The following IHO1 variants were observed in gnomAD, a reference collection of about 807,000 sequenced individuals.
IHO1 encodes interactor of HORMAD1 protein 1.
Under a neutral mutation model 31.0 loss-of-function variants are expected in IHO1, and 13 were observed. The observed-to-expected ratio is 0.42, with a 90% confidence interval of 0.27 to 0.67. The LOEUF is 0.67. Ranked by LOEUF, IHO1 falls within the 30% of genes least tolerant of loss-of-function variation. IHO1 has a pLI of 0.24. For missense variants in IHO1, 599 were observed against 687.5 expected, an observed-to-expected ratio of 0.87 and a Z score of 1.44; for synonymous variants, 221 against 248.4, an observed-to-expected ratio of 0.89 and a Z score of 1.04.
At chr3:49,196,364 G>C (rs1419370185), upstream of IHO1, among the ~76,000 whole-genome samples, 1 of 149,472 alleles carries the variant, frequency 6.7e-6, no homozygotes, top group Non-Finnish European at 1.5e-5. Context: ...TGTTGCCCAG[G>C]CTGGAGTGCA....
Position 49,256,708 on chromosome 3 carries a change from T to C in IHO1, c.1211T>C (p.Ile404Thr). 6.2e-7 allele frequency: 1 copy of C among 1,614,194 alleles called. No homozygotes were observed. Among genetic ancestry groups the C allele is most frequent in the South Asian group, 1.1e-5 (1 of 91,084 alleles). Residue 404 changes from isoleucine to threonine, a missense_variant, in exon 8 of 8, where the codon ATT becomes ACT. Transcript: ENST00000452691. This position sits in a 1 kb window ranked among gnomAD's most constrained non-coding sequence, Gnocchi z 4.6. The part of the protein sequence containing the change: ...TSLEINFSTS[I>T]KNACQKYQAQ... ...TTGGAGATAAACTTTTCAACCAGCA[T>C]TAAGAATGCCTGCCAAAAATATCAA... is the stretch of plus-strand genomic sequence containing the variant.
intron 6 of IHO1, among the ~76,000 whole-genome samples, chr3:49,248,466 C>T (rs1214965542): frequency 6.6e-6 from 1 of 151,050 alleles, no homozygotes. Context: ...CAGTGACTCA[C>T]ACTTGTAATC....
chr3:49,207,249 G>GTTT (rs1223888677), intron 1 of IHO1, among the ~76,000 whole-genome samples: 2 of 138,606 alleles, frequency 1.4e-5, no homozygotes, highest in Non-Finnish European at 3.2e-5. Flanking sequence ...TTCTGGTGAG[G>GTTT]TTTTTTTTTT....
Position 49,257,487 on chromosome 3 carries a change from T to C in IHO1, c.*205T>C. 1 of 551,136 alleles carries C rather than the reference T, an allele frequency of 1.8e-6. No individual in the cohort carries two copies. Among genetic ancestry groups the C allele is most frequent in the Non-Finnish European group, 3.2e-6 (1 of 310,252 alleles). The allele number at this position is 551,136 out of a possible 1,614,324, so 34.1% of individuals were successfully genotyped here. ...CTGACAAGGATTAAGTGCATCCTTATTTATTGGAATGAAATGTGAAAATGG... is the reference window on the plus strand; with the variant it reads ...CTGACAAGGATTAAGTGCATCCTTACTTATTGGAATGAAATGTGAAAATGG... On this transcript the variant is annotated 3_prime_UTR_variant, in exon 8 of 8. Coordinates refer to ENST00000452691, the MANE Select transcript of IHO1 (RefSeq NM_001135197.2).
chr3:49,216,609 A>G (rs2046289309), intron 2 of IHO1, among the ~76,000 whole-genome samples: 1 of 152,210 alleles, frequency 6.6e-6, no homozygotes, highest in Non-Finnish European at 1.5e-5. Flanking sequence ...CTAAAACACC[A>G]AAAGCAATGG....
Position 49,255,375 on chromosome 3 carries a change from C to CT in IHO1, c.533-14dup. 5.8e-6 allele frequency: 9 copies of CT among 1,559,350 alleles called. No individual in the cohort carries two copies. The highest frequency in any genetic ancestry group is 7.8e-6 in the Non-Finnish European group (9 of 1,149,966). On this transcript the variant is annotated splice_polypyrimidine_tract_variant and intron_variant, in intron 6 of 7. Transcript: ENST00000452691. ...ATAGTCTTCAGGAGGTGAACTGTCA[C>CT]TGTTTTGTATTTAGTACAAGAGACT... is the stretch of plus-strand genomic sequence containing the variant.
chr3:49,196,464 G>A (rs1262254487), upstream of IHO1, among the ~76,000 whole-genome samples: 2 of 146,110 alleles, frequency 1.4e-5, no homozygotes, highest in African/African-American at 2.5e-5. Context: ...GACTATAGGC[G>A]CCCACCACCA....
intron 2 of IHO1, chr3:49,214,012 C>A: frequency 5.6e-6 from 2 of 358,158 alleles, no homozygotes; most frequent in South Asian, 2.0e-5. Flanking sequence ...CTCATACAGA[C>A]TCTTCTTCTC....
chr3:49,255,347 T>C, intron 6 of IHO1, 43 bp from the exon 7 acceptor site: 1 of 1,383,828 alleles, frequency 7.2e-7, no homozygotes, highest in Non-Finnish European at 1.0e-6. Flanking sequence ...GGACATACCA[T>C]ACATAGTCTT....
intron 6 of IHO1, among the ~76,000 whole-genome samples, chr3:49,247,450 T>G (rs896508974): frequency 1.4e-4 from 21 of 151,196 alleles, no homozygotes; most frequent in Non-Finnish European, 2.4e-4. Flanking sequence ...CAGGCTGGTT[T>G]TGAACTCCTG....
chr3:49,229,845 C>T (rs1159584707), intron 2 of IHO1, among the ~76,000 whole-genome samples: 3 of 152,076 alleles, frequency 2.0e-5, no homozygotes, highest in Admixed American at 2.0e-4. Context: ...AACTTCTGTA[C>T]CTATAAATTT....
intron 2 of IHO1, 23 bp from the exon 3 acceptor site, chr3:49,236,523 TAC>T (rs746102272): frequency 3.9e-6 from 6 of 1,532,820 alleles, no homozygotes; most frequent in Non-Finnish European, 4.5e-6. Flanking sequence ...GTCTATTTGA[TAC>T]ACTTTTTTTT....
chr3:49,258,061 A>C lies in IHO1; in HGVS notation c.*779A>C, dbSNP rs1018363524. Reference sequence around the variant, plus strand: ...GCTGAAGTTTTTGAGTTTTTGCAACACAAGTATTTTTTGTTATCAGAAATA... The same window carrying C: ...GCTGAAGTTTTTGAGTTTTTGCAACCCAAGTATTTTTTGTTATCAGAAATA... On this transcript the variant is annotated 3_prime_UTR_variant, in exon 8 of 8. Transcript: ENST00000452691. The C allele has an allele frequency of 2.6e-5, 4 of 152,170 alleles. No homozygotes were observed. Among genetic ancestry groups the C allele is most frequent in the Non-Finnish European group, 4.4e-5 (3 of 68,038 alleles). 9.4% of individuals were successfully genotyped at this position (152,170 alleles called of 1,614,324 possible). A position where few individuals can be genotyped will look rare whatever the true frequency, so the allele number is the denominator to read the frequency against.
At chr3:49,213,573 C>A (rs962947033) in intron 2 of IHO1, among the ~76,000 whole-genome samples, 1 of 152,226 alleles carries the variant, frequency 6.6e-6, no homozygotes, top group Non-Finnish European at 1.5e-5. Flanking sequence ...TGGGACCGGG[C>A]ACCACGGAGC....
At chr3:49,228,492 C>T (rs780224301) in intron 2 of IHO1, 9 of 327,320 alleles carry the variant, frequency 2.7e-5, no homozygotes, top group Non-Finnish European at 4.8e-5. Context: ...CGAAAGGGGT[C>T]TGATGGTACT....
In IHO1 at chr3:49,256,082, C is replaced by G. The variant is rs2107746339; in HGVS notation, c.637-52C>G. 4.8e-6 allele frequency: 7 copies of G among 1,456,342 alleles called. No individual in the cohort carries two copies. In the South Asian group the frequency reaches 9.2e-5, roughly 19 times the overall value. 90.2% of individuals were successfully genotyped at this position (1,456,342 alleles called of 1,614,324 possible). ...TGGTCTGTTCTCATGTTTTATTGTG[C>G]TTTCTGACTTGCACTGTCCATCACT... On this transcript the variant is annotated intron_variant, in intron 7 of 7. Coordinates refer to ENST00000452691, the MANE Select transcript of IHO1 (RefSeq NM_001135197.2). The surrounding 1 kb of genome is among the most constrained non-coding windows in gnomAD (Gnocchi z 4.6).
intron 2 of IHO1, among the ~76,000 whole-genome samples, chr3:49,227,728 C>T (rs772632198): frequency 6.6e-6 from 1 of 152,096 alleles, no homozygotes; most frequent in African/African-American, 2.4e-5. Context: ...GTTATGCCCC[C>T]AAAATGAAAT....
chr3:49,223,213 T>C (rs4955427), intron 2 of IHO1, among the ~76,000 whole-genome samples: 125,780 of 152,162 alleles, frequency 0.83, 52,792 homozygotes, highest in East Asian at 0.99. Flanking sequence ...TTCAGATTCT[T>C]AACAAGGCCA....
chr3:49,236,077 C>T (rs1003123396), intron 2 of IHO1, among the ~76,000 whole-genome samples: 1 of 152,042 alleles, frequency 6.6e-6, no homozygotes, highest in African/African-American at 2.4e-5. Context: ...CCCATCTCAA[C>T]TATAAATACA....
Sources: gnomAD v4.1 joint callset for allele counts (sites outside exome capture counted in the v4.1 genomes callset) on GRCh38, gnomAD v4.1.1 for gene constraint, Gnocchi (gnomAD v3.1) non-coding constraint, MANE v1.5 for transcripts, NCBI Gene and HGNC (gene_info 2026-07-23, HGNC 2026-07-21) for gene names.